AGBL1: variants seen among roughly 807,000 people sequenced by gnomAD.
AGBL1 encodes the protein AGBL carboxypeptidase 1, also known as cytosolic carboxypeptidase 4.
AGBL1 carries 130 observed loss-of-function variants against 118.9 expected under a neutral mutation model. The ratio of observed to expected loss-of-function variants is 1.09; its 90% CI spans 0.95 to 1.26. The LOEUF (loss-of-function observed/expected upper bound fraction) is 1.26. Among genes scored for constraint, AGBL1 ranks in the 50% most tolerant of loss-of-function variants. The probability of loss-of-function intolerance (pLI) is 0.00; values close to 1 mark genes in which losing one functional copy is unlikely to be tolerated. For synonymous variants in AGBL1, 555 were observed against 478.9 expected (o/e 1.16, Z -2.08); for missense variants, 1,584 against 1,298.1 (o/e 1.22, Z -3.38).
intron 7 of AGBL1, among the ~76,000 whole-genome samples, chr15:86,248,874 G>C (rs2078763829): frequency 6.6e-6 from 1 of 152,182 alleles, no homozygotes; most frequent in Non-Finnish European, 1.5e-5. Flanking sequence ...TTTAGAGAGA[G>C]AGGTCAAGTC....
At chr15:86,679,946 A>G (rs987858534) in intron 22 of AGBL1, among the ~76,000 whole-genome samples, 2 of 151,978 alleles carry the variant, frequency 1.3e-5, no homozygotes, top group Admixed American at 6.6e-5. Context: ...TGAATTGAGG[A>G]GTTTTGTGCC....
At chr15:86,904,484 G>A (rs2080254031) in intron 22 of AGBL1, among the ~76,000 whole-genome samples, 1 of 150,136 alleles carries the variant, frequency 6.7e-6, no homozygotes, top group Non-Finnish European at 1.5e-5. Context: ...ATTGCATTTG[G>A]GCAAATAAGT....
intron 5 of AGBL1, among the ~76,000 whole-genome samples, chr15:86,192,248 T>A (rs1466710531): frequency 1.3e-5 from 2 of 150,178 alleles, no homozygotes; most frequent in South Asian, 4.2e-4. Flanking sequence ...TAATTTTATA[T>A]TAAAAATATA....
chr15:86,706,208 A>T (rs954353889), intron 22 of AGBL1, among the ~76,000 whole-genome samples: 5 of 152,168 alleles, frequency 3.3e-5, no homozygotes, highest in African/African-American at 1.2e-4. Flanking sequence ...CCGATCAAAG[A>T]TAAAATATCG....
chr15:86,320,686 C>T (rs975007067), intron 17 of AGBL1, among the ~76,000 whole-genome samples: 1 of 151,386 alleles, frequency 6.6e-6, no homozygotes, highest in Non-Finnish European at 1.5e-5. Flanking sequence ...TAACGTCTTA[C>T]TATTAAGTAT....
intron 18 of AGBL1, among the ~76,000 whole-genome samples, chr15:86,410,064 A>C (rs188108284): frequency 6.6e-6 from 1 of 152,212 alleles, no homozygotes. Flanking sequence ...AATATAGATA[A>C]GTTATTTCTC....
At chr15:86,712,287 T>A (rs79515354) in intron 22 of AGBL1, among the ~76,000 whole-genome samples, 1,826 of 152,220 alleles carry the variant, frequency 0.012, 24 homozygotes, top group East Asian at 0.066. Context: ...TGTAAGTTTG[T>A]TGAGCATAAA....
At chr15:86,854,033 G>T (rs887900329) in intron 22 of AGBL1, among the ~76,000 whole-genome samples, 3 of 152,108 alleles carry the variant, frequency 2.0e-5, no homozygotes, top group Non-Finnish European at 2.9e-5. Context: ...AAGTCATTTT[G>T]CACCTTCCAA....
In AGBL1 at chr15:86,262,570, A is replaced by G. The variant is rs74025064; in HGVS notation, c.970-208A>G. The G allele has an allele frequency of 4.2e-3, 2,664 of 627,742 alleles. 75 individuals are homozygous for G. In the African/African-American group the frequency reaches 0.044, roughly 10 times the overall value. The allele number at this position is 627,742 out of a possible 1,614,324, so 38.9% of individuals were successfully genotyped here. A position where few individuals can be genotyped will look rare whatever the true frequency, so the allele number is the denominator to read the frequency against. The stretch of plus-strand genomic sequence containing the variant: ...TGAAGGCTGATAAATACTGACATAA[A>G]TGCTGAGACAAGTCCTTTATCTTCT... On this transcript the variant is annotated intron_variant, in intron 9 of 22. Transcript: ENST00000614907.
chr15:86,564,608 C>T (rs1376405787), intron 21 of AGBL1, among the ~76,000 whole-genome samples: 1 of 152,116 alleles, frequency 6.6e-6, no homozygotes, highest in Non-Finnish European at 1.5e-5. Context: ...AATTATGTGT[C>T]TTCGAGTTGC....
At chr15:86,438,912 C>T (rs1322892102) in intron 18 of AGBL1, among the ~76,000 whole-genome samples, 23 of 152,084 alleles carry the variant, frequency 1.5e-4, no homozygotes, top group Admixed American at 1.4e-3. Flanking sequence ...TCCACCACCT[C>T]GGCCTCCCAA....
intron 18 of AGBL1, among the ~76,000 whole-genome samples, chr15:86,506,365 AT>A (rs1270627853): frequency 1.3e-5 from 2 of 152,058 alleles, no homozygotes. Context: ...TGGTTTGCCC[AT>A]TGGTTGCCCA....
chr15:86,661,293 G>T (rs1269878660), intron 21 of AGBL1, among the ~76,000 whole-genome samples: 1 of 151,266 alleles, frequency 6.6e-6, no homozygotes, highest in African/African-American at 2.5e-5. Context: ...TGTACCAAAC[G>T]CTGTGCTAGA....
intron 24 of AGBL1, among the ~76,000 whole-genome samples, chr15:87,010,758 C>G (rs2081551282): frequency 6.6e-6 from 1 of 152,224 alleles, no homozygotes; most frequent in African/African-American, 2.4e-5. Context: ...AATAGCCTAT[C>G]ATGGGACTCC....
At chr15:86,711,447 G>T (rs2086554311) in intron 22 of AGBL1, among the ~76,000 whole-genome samples, 1 of 152,132 alleles carries the variant, frequency 6.6e-6, no homozygotes, top group Non-Finnish European at 1.5e-5. Context: ...GCATTATTGG[G>T]TGCTTTTCTT....
intron 21 of AGBL1, among the ~76,000 whole-genome samples, chr15:86,602,700 A>T (rs769766072): frequency 5.9e-5 from 9 of 152,196 alleles, no homozygotes; most frequent in Non-Finnish European, 8.8e-5. Flanking sequence ...TATAAACAAG[A>T]TGGGAAATTA....
chr15:86,934,491 C>T (rs1028132145), intron 23 of AGBL1, among the ~76,000 whole-genome samples: 11 of 151,788 alleles, frequency 7.2e-5, no homozygotes, highest in African/African-American at 2.7e-4. Context: ...CAGACTTCCT[C>T]CTTGCTATTA....
intron 22 of AGBL1, among the ~76,000 whole-genome samples, chr15:86,709,988 C>T (rs1028362524): frequency 1.7e-4 from 26 of 152,218 alleles, no homozygotes; most frequent in African/African-American, 6.3e-4. Flanking sequence ...TTCCCTGCTT[C>T]AAAGATGAGC....
At chr15:86,505,354 C>T (rs193164630) in intron 18 of AGBL1, among the ~76,000 whole-genome samples, 15 of 151,808 alleles carry the variant, frequency 9.9e-5, no homozygotes, top group Admixed American at 9.9e-4. Context: ...TTCGTTCTGT[C>T]TCTTTGTCTC....
Sources: gnomAD v4.1 joint callset for allele counts (sites outside exome capture counted in the v4.1 genomes callset) on GRCh38, gnomAD v4.1.1 for gene constraint, MANE v1.5 for transcripts, NCBI Gene and HGNC (gene_info 2026-07-23, HGNC 2026-07-21) for gene names.